The following ZBBX variants were observed in gnomAD, a reference collection of about 807,000 sequenced individuals.
ZBBX encodes zinc finger B-box domain containing.
Under a neutral mutation model 108.5 loss-of-function variants are expected in ZBBX, and 101 were observed. That is an observed-to-expected ratio of 0.93 (90% CI 0.79 to 1.10). ZBBX has a LOEUF of 1.10. Ranked by LOEUF, ZBBX falls within the 50% of genes least tolerant of loss-of-function variation. The pLI, the probability that ZBBX is intolerant of heterozygous loss-of-function variation, is 0.00. For synonymous variants in ZBBX, 356 were observed against 323.4 expected, an observed-to-expected ratio of 1.10 and a Z score of -1.08; for missense variants, 1,009 against 941.4, an observed-to-expected ratio of 1.07 and a Z score of -0.94.
the ZBBX span, among the ~76,000 whole-genome samples, chr3:167,182,699 A>T: frequency 1.3e-5 from 2 of 152,220 alleles, no homozygotes; most frequent in Non-Finnish European, 2.9e-5. Context: ...TTTAAATTTT[A>T]ATAACTGAGC....
chr3:167,250,056 A>C (rs765744953), intron 20 of ZBBX, among the ~76,000 whole-genome samples: 7 of 152,098 alleles, frequency 4.6e-5, no homozygotes, highest in Non-Finnish European at 8.8e-5. Flanking sequence ...GACAAAGCAC[A>C]CCTCTATCTC....
chr3:167,234,109 C>T, the ZBBX span, among the ~76,000 whole-genome samples: 37 of 151,890 alleles, frequency 2.4e-4, no homozygotes, highest in African/African-American at 8.7e-4. Flanking sequence ...ATTTTACACA[C>T]GGAGTTTAAA....
chr3:167,186,743 G>A, the ZBBX span, among the ~76,000 whole-genome samples: 1 of 152,066 alleles, frequency 6.6e-6, no homozygotes, highest in African/African-American at 2.4e-5. Context: ...GAGCAGAGAA[G>A]TTTAAGCTGA....
chr3:167,236,673 G>T (rs1720242262), downstream of ZBBX, among the ~76,000 whole-genome samples: 1 of 151,568 alleles, frequency 6.6e-6, no homozygotes, highest in African/African-American at 2.4e-5. Context: ...TTCTAAATTG[G>T]ATCCTGCATG....
chr3:167,287,987 G>A (rs1482888943), intron 19 of ZBBX, among the ~76,000 whole-genome samples: 2 of 152,094 alleles, frequency 1.3e-5, no homozygotes, highest in Non-Finnish European at 2.9e-5. Context: ...CTGCCTTGAA[G>A]ATAGCCTTTA....
At chr3:167,191,017 C>A in the ZBBX span, among the ~76,000 whole-genome samples, 2 of 152,174 alleles carry the variant, frequency 1.3e-5, no homozygotes, top group Non-Finnish European at 2.9e-5. Flanking sequence ...GGAATATAGA[C>A]CCTGCTGGTT....
In ZBBX at chr3:167,347,834, T is replaced by C. The variant is rs564638032; in HGVS notation, c.528+2586A>G. ...TAGCAACTTTGGTCTCCACAGATGG[T>C]GTGGAAACATAAAGGAGTAACATGA... On this transcript the variant is annotated intron_variant, in intron 9 of 21. Coordinates refer to ENST00000675490, the MANE Select transcript of ZBBX (RefSeq NM_001199201.2). 1.4e-3 allele frequency among the ~76,000 whole-genome samples: 212 copies of C among 152,128 alleles called. 2 individuals are homozygous for C. Among genetic ancestry groups the C allele is most frequent in the African/African-American group, 5.1e-3 (210 of 41,546 alleles).
intron 20 of ZBBX, among the ~76,000 whole-genome samples, chr3:167,259,598 A>T (rs754224073): frequency 2.0e-5 from 3 of 151,798 alleles, no homozygotes; most frequent in Non-Finnish European, 4.4e-5. Context: ...AGTCTTTTTG[A>T]TATAGGCGTT....
In ZBBX at chr3:167,264,354, TA is replaced by T. The variant is rs1297442080; in HGVS notation, c.2254+17883del. Reference sequence around the variant, plus strand: ...CTGGTATGCTTTAATTTACGCTTTTTATTTTTTTATATCTTTTGTATGTTTT... The same window carrying T: ...CTGGTATGCTTTAATTTACGCTTTTTTTTTTTTATATCTTTTGTATGTTTT... On this transcript the variant is annotated intron_variant, in intron 20 of 21. Coordinates refer to ENST00000675490, the MANE Select transcript of ZBBX (RefSeq NM_001199201.2). Among the ~76,000 whole-genome samples the T allele has an allele frequency of 1.3e-5, 2 of 152,346 alleles. 1 individual carries two copies. The highest frequency in any genetic ancestry group is 3.9e-4 in the East Asian group (2 of 5,188).
At position 167,352,690 on chromosome 3, in the gene ZBBX, T is replaced by A. The variant is rs142533202; in HGVS notation, c.433-2175A>T. ...GACACAATAAAACTTAAGAGTCCAA[T>A]ACCATTAATAAACATAGATACAAAA... On this transcript the variant is annotated intron_variant, in intron 8 of 21. Coordinates refer to ENST00000675490, the MANE Select transcript of ZBBX (RefSeq NM_001199201.2). Among the ~76,000 whole-genome samples the A allele has an allele frequency of 4.5e-3, 667 of 149,616 alleles. 5 individuals carry two copies. Among genetic ancestry groups the A allele is most frequent in the African/African-American group, 0.016 (630 of 40,484 alleles).
chr3:167,351,888 C>T (rs1742719967), intron 8 of ZBBX, among the ~76,000 whole-genome samples: 1 of 152,084 alleles, frequency 6.6e-6, no homozygotes, highest in African/African-American at 2.4e-5. Context: ...TCAGTCTCTC[C>T]CAAAACTGTC....
the ZBBX span, among the ~76,000 whole-genome samples, chr3:167,223,626 A>G: frequency 1.3e-5 from 2 of 151,864 alleles, no homozygotes; most frequent in South Asian, 4.1e-4. Flanking sequence ...TTCCATTAAC[A>G]CTGTTTCTCT....
intron 11 of ZBBX, among the ~76,000 whole-genome samples, chr3:167,324,551 G>A (rs566828993): frequency 6.6e-6 from 1 of 152,104 alleles, no homozygotes; most frequent in South Asian, 2.1e-4. Context: ...TTCTACTATA[G>A]GTAAAACAGT....
intron 9 of ZBBX, among the ~76,000 whole-genome samples, chr3:167,338,745 G>A (rs1740008500): frequency 6.6e-6 from 1 of 152,036 alleles, no homozygotes; most frequent in South Asian, 2.1e-4. Context: ...TATTTTATTT[G>A]AGTTTGTTAG....
chr3:167,197,763 T>A, the ZBBX span, among the ~76,000 whole-genome samples: 3 of 152,182 alleles, frequency 2.0e-5, no homozygotes, highest in African/African-American at 7.2e-5. Context: ...TTAAAGATAA[T>A]AGTCATCAAA....
chr3:167,223,643 G>A, the ZBBX span, among the ~76,000 whole-genome samples: 5 of 151,754 alleles, frequency 3.3e-5, no homozygotes, highest in Non-Finnish European at 7.4e-5. Context: ...CTCTGCTGTC[G>A]GAAGTATGAT....
At chr3:167,299,958 CT>C (rs1225421933) in intron 17 of ZBBX, among the ~76,000 whole-genome samples, 2 of 152,092 alleles carry the variant, frequency 1.3e-5, no homozygotes, top group Non-Finnish European at 2.9e-5. Flanking sequence ...TGCTTTTCAC[CT>C]TTTGTTTTGC....
At chr3:167,220,219 T>A in the ZBBX span, among the ~76,000 whole-genome samples, 1 of 151,926 alleles carries the variant, frequency 6.6e-6, no homozygotes, top group African/African-American at 2.4e-5. Flanking sequence ...GAAGGAACAC[T>A]TTCACACTTA....
chr3:167,263,820 A>G (rs564744620), intron 20 of ZBBX, among the ~76,000 whole-genome samples: 1 of 152,302 alleles, frequency 6.6e-6, no homozygotes, highest in Admixed American at 6.5e-5. Context: ...GGAGTGTTGA[A>G]GTCTCCAGCT....
Sources: gnomAD v4.1 joint callset for allele counts (sites outside exome capture counted in the v4.1 genomes callset) on GRCh38, gnomAD v4.1.1 for gene constraint, MANE v1.5 for transcripts, NCBI Gene and HGNC (gene_info 2026-07-23, HGNC 2026-07-21) for gene names.